Variants in PPP1R9A observed in about 807,000 individuals in gnomAD.
PPP1R9A encodes protein phosphatase 1 regulatory subunit 9A, also known as neurabin-1.
PPP1R9A carries 59 observed loss-of-function variants against 141.9 expected under a neutral mutation model. That is an observed-to-expected ratio of 0.42 (90% confidence interval 0.34 to 0.52). PPP1R9A has a LOEUF of 0.52. Among genes scored for constraint, PPP1R9A ranks in the 20% least tolerant of loss-of-function variants. The probability of loss-of-function intolerance (pLI) is 0.10; values close to 1 mark genes in which losing one functional copy is unlikely to be tolerated. For synonymous variants in PPP1R9A, 500 were observed against 569.7 expected (o/e 0.88, Z 1.74); for missense variants, 1,444 against 1,611.9 (o/e 0.90, Z 1.78).
chr7:95,023,505 CG>C (rs1563133945), intron 2 of PPP1R9A, among the ~76,000 whole-genome samples: 1 of 133,106 alleles, frequency 7.5e-6, no homozygotes, highest in East Asian at 2.0e-4. Flanking sequence ...AGGTATTTCT[CG>C]TCTTCTGCTA....
chr7:95,220,579 A>T (rs1794273313), intron 7 of PPP1R9A, among the ~76,000 whole-genome samples: 1 of 152,086 alleles, frequency 6.6e-6, no homozygotes, highest in South Asian at 2.1e-4. Flanking sequence ...CTACTGTGCT[A>T]TGCAGATGTG....
intron 6 of PPP1R9A, 40 bp downstream of exon 6, chr7:95,198,524 T>G (rs1283293605): frequency 6.6e-7 from 1 of 1,509,290 alleles, no homozygotes; most frequent in African/African-American, 1.4e-5. Flanking sequence ...CCACATTTTC[T>G]AATTCATGAA....
intron 14 of PPP1R9A, among the ~76,000 whole-genome samples, chr7:95,270,026 G>A (rs141756536): frequency 3.3e-5 from 5 of 152,122 alleles, no homozygotes; most frequent in South Asian, 2.1e-4. Flanking sequence ...ATAATCAACC[G>A]AATGTAGTCT....
intron 6 of PPP1R9A, among the ~76,000 whole-genome samples, chr7:95,202,930 A>C (rs1789897419): frequency 6.6e-6 from 1 of 152,066 alleles, no homozygotes; most frequent in African/African-American, 2.4e-5. Context: ...AATTATGATT[A>C]TTTGGCTTCC....
In PPP1R9A at chr7:94,956,528, G is replaced by C. The variant is rs1797089007; in HGVS notation, c.1395+45020G>C. Among the ~76,000 whole-genome samples, 5 of 152,118 alleles carry C rather than the reference G, an allele frequency of 3.3e-5. No homozygotes were observed. In the South Asian group the frequency reaches 1.0e-3, roughly 32 times the overall value. ...CCTGGTGATTAATTTCTGTAAATCA[G>C]CAGAAGTAATAGGACTATACTGTAA... is the stretch of plus-strand genomic sequence containing the variant. On this transcript the variant is annotated intron_variant, in intron 2 of 19. Coordinates refer to ENST00000433360, the MANE Select transcript of PPP1R9A (RefSeq NM_001166160.2).
At chr7:95,036,092 C>T (rs143451448) in intron 2 of PPP1R9A, 7 of 152,256 alleles carry the variant, frequency 4.6e-5, no homozygotes, top group African/African-American at 1.7e-4. Context: ...AAGCTTGCAA[C>T]CTGTTGGTGG....
intron 6 of PPP1R9A, among the ~76,000 whole-genome samples, chr7:95,202,111 G>C (rs574798370): frequency 6.6e-6 from 1 of 152,210 alleles, no homozygotes; most frequent in Non-Finnish European, 1.5e-5. Flanking sequence ...AAACTATATT[G>C]AGAAAGATTA....
In PPP1R9A at chr7:95,293,584, A is replaced by C. The variant is rs1806658942; in HGVS notation, c.*3281A>C. On this transcript the variant is annotated 3_prime_UTR_variant, in exon 20 of 20. Transcript: ENST00000433360. ...CACCTTTTGCTCCATTGTTGTTGGAAACAAAGTGGCAAGAGGGAAAATGAG... is the reference window on the plus strand; with the variant it reads ...CACCTTTTGCTCCATTGTTGTTGGACACAAAGTGGCAAGAGGGAAAATGAG... 6.6e-6 allele frequency: 1 copy of C among 152,236 alleles called. No homozygotes were observed. The highest frequency in any genetic ancestry group is 1.5e-5 in the Non-Finnish European group (1 of 68,048). 9.4% of individuals were successfully genotyped at this position (152,236 alleles called of 1,614,324 possible).
intron 2 of PPP1R9A, among the ~76,000 whole-genome samples, chr7:94,990,184 A>T (rs1309309708): frequency 6.6e-6 from 1 of 152,096 alleles, no homozygotes; most frequent in Non-Finnish European, 1.5e-5. Context: ...CTAGTAAGTT[A>T]TTTAATTTGT....
intron 2 of PPP1R9A, among the ~76,000 whole-genome samples, chr7:95,000,617 TTA>T (rs1390397443): frequency 6.6e-6 from 1 of 152,194 alleles, no homozygotes; most frequent in East Asian, 1.9e-4. Flanking sequence ...CTGATTTATC[TTA>T]TATTGATAAA....
chr7:94,909,004 T>C (rs751537544), intron 1 of PPP1R9A, among the ~76,000 whole-genome samples: 7 of 152,206 alleles, frequency 4.6e-5, no homozygotes, highest in African/African-American at 2.4e-5. Context: ...CATTGTCTGC[T>C]CCTCAGCATA....
At chr7:95,105,776 G>T (rs935510082) in intron 2 of PPP1R9A, among the ~76,000 whole-genome samples, 1 of 152,234 alleles carries the variant, frequency 6.6e-6, no homozygotes, top group South Asian at 2.1e-4. Flanking sequence ...TAGATGAAAG[G>T]GCTTCCTGGT....
intron 2 of PPP1R9A, among the ~76,000 whole-genome samples, chr7:95,081,352 A>G (rs981203869): frequency 6.6e-6 from 1 of 152,214 alleles, no homozygotes; most frequent in Non-Finnish European, 1.5e-5. Flanking sequence ...ATACAAGAAT[A>G]TTAAAATAGT....
At chr7:94,982,255 T>TG (rs556076142) in intron 2 of PPP1R9A, among the ~76,000 whole-genome samples, 295 of 152,192 alleles carry the variant, frequency 1.9e-3, no homozygotes, top group Non-Finnish European at 3.5e-3. Flanking sequence ...TCCAAGTCTT[T>TG]GCTATTGTGA....
chr7:95,040,107 A>G (rs980413670), intron 2 of PPP1R9A, among the ~76,000 whole-genome samples: 9 of 152,218 alleles, frequency 5.9e-5, no homozygotes, highest in African/African-American at 1.9e-4. Flanking sequence ...GGTTGCATAT[A>G]TTCTATGACA....
chr7:95,190,440 A>G (rs1364253198), intron 5 of PPP1R9A, among the ~76,000 whole-genome samples: 1 of 152,198 alleles, frequency 6.6e-6, no homozygotes, highest in Non-Finnish European at 1.5e-5. Context: ...GGGCTGTGAA[A>G]TAGACTGTGT....
chr7:94,991,580 T>C (rs1801515354), intron 2 of PPP1R9A, among the ~76,000 whole-genome samples: 1 of 152,116 alleles, frequency 6.6e-6, no homozygotes, highest in Admixed American at 6.6e-5. Context: ...GGGAGTCTGA[T>C]TGGTAATAGT....
At chr7:94,943,988 T>C (rs1357645975) in intron 2 of PPP1R9A, among the ~76,000 whole-genome samples, 1 of 152,160 alleles carries the variant, frequency 6.6e-6, no homozygotes, top group Non-Finnish European at 1.5e-5. Flanking sequence ...TCTGTGTGAG[T>C]GTCCTACCAA....
chr7:95,270,635 C>T (rs1021396269), intron 14 of PPP1R9A, among the ~76,000 whole-genome samples: 1 of 152,100 alleles, frequency 6.6e-6, no homozygotes. Context: ...TTTCCTCGTT[C>T]CTGTTATATA....
Sources: gnomAD v4.1 joint callset for allele counts (sites outside exome capture counted in the v4.1 genomes callset) on GRCh38, gnomAD v4.1.1 for gene constraint, MANE v1.5 for transcripts, NCBI Gene and HGNC (gene_info 2026-07-23, HGNC 2026-07-21) for gene names.